Variants in BNIP2 observed in about 807,000 individuals in gnomAD.
BNIP2 encodes BCL2/adenovirus E1B 19 kDa protein-interacting protein 2.
BNIP2 carries 36 observed loss-of-function variants against 43.4 expected under a neutral mutation model. The observed-to-expected ratio is 0.83, with a 90% confidence interval of 0.64 to 1.10. The LOEUF is 1.10. BNIP2 is among the 50% of genes least tolerant of loss of function. The probability of loss-of-function intolerance (pLI) is 0.00; values close to 1 mark genes in which losing one functional copy is unlikely to be tolerated. For missense variants in BNIP2, 417 were observed against 374.1 expected (o/e 1.11, Z -0.95); for synonymous variants, 146 against 121.0 (o/e 1.21, Z -1.35).
At chr15:59,686,931 C>T (rs560482139) in intron 1 of BNIP2, among the ~76,000 whole-genome samples, 5 of 152,278 alleles carry the variant, frequency 3.3e-5, no homozygotes, top group Non-Finnish European at 5.9e-5. Flanking sequence ...GCAGGAGAAT[C>T]GCTTGAACCT....
intron 3 of BNIP2, 120 bp downstream of exon 3, chr15:59,680,115 AACTTAT>A (rs1893566580): frequency 1.3e-6 from 1 of 797,826 alleles, no homozygotes; most frequent in African/African-American, 1.8e-5. Context: ...CTCAATGTTC[AACTTAT>A]ACTTTGACTT....
At chr15:59,676,872 G>T in intron 5 of BNIP2, 2 of 1,588,546 alleles carry the variant, frequency 1.3e-6, no homozygotes, top group Non-Finnish European at 8.6e-7. Flanking sequence ...CTCTCGCTGC[G>T]TTCGCTCACC....
Position 59,669,291 on chromosome 15 carries a change from G to A in BNIP2, c.779C>T (p.Thr260Ile). ...CAAAAATTACCTAATAAATGGTCTT[G>A]TAACAGCCAGAAGTGTTCTGATAAA... ...SWFIRTLLAVTRPFISSKFSQ... is the reference protein window; with the variant it reads ...SWFIRTLLAVIRPFISSKFSQ... Residue 260 changes from threonine (T) to isoleucine (I), a missense_variant, in exon 8 of 10, where the codon ACA (threonine) becomes ATA (isoleucine). Thr to Ile is a moderately conservative substitution (Grantham distance 89). Transcript: ENST00000607373. The A allele has an allele frequency of 6.4e-7, 1 of 1,552,450 alleles. No individual in the cohort carries two copies. The highest frequency in any genetic ancestry group is 8.6e-7 in the Non-Finnish European group (1 of 1,157,846).
chr15:59,668,987 C>CT lies in BNIP2; in HGVS notation c.797_798insA (p.Lys267GlufsTer7). The CT allele has an allele frequency of 6.2e-7, 1 of 1,611,856 alleles. No individual in the cohort carries two copies. On this transcript the variant is annotated frameshift_variant, in exon 9 of 10. Transcript: ENST00000607373. LOFTEE classifies it high-confidence loss of function. ...CGTATCTAATTTTTTGGCTGAATTTCGAGCTATGGAAGAAAATAAAAATAA... is the reference window on the plus strand; with the variant it reads ...CGTATCTAATTTTTTGGCTGAATTTCTGAGCTATGGAAGAAAATAAAAATAA...
Position 59,664,434 on chromosome 15 carries a change from T to C in BNIP2, c.894-314A>G, listed in dbSNP as rs1333839722. On this transcript the variant is annotated intron_variant, in intron 9 of 9. Transcript: ENST00000607373. ...TCTTGCTCTGTCACCCAGGCTGGAG[T>C]GCAGTGGCACAATCTCAGCTCGCTG... Among the ~76,000 whole-genome samples, 13 of 152,042 alleles carry C rather than the reference T, an allele frequency of 8.6e-5. No homozygotes were observed. In the East Asian group the frequency reaches 2.3e-3, roughly 27 times the overall value.
chr15:59,678,593 T>C (rs1172202989), intron 4 of BNIP2: 1 of 1,121,932 alleles, frequency 8.9e-7, no homozygotes, highest in African/African-American at 1.7e-5. Context: ...AATGTATTTA[T>C]AATACTTTGA....
chr15:59,674,354 G>A (rs12593480), intron 5 of BNIP2, among the ~76,000 whole-genome samples: 49,904 of 151,832 alleles, frequency 0.33, 8,530 homozygotes, highest in East Asian at 0.54. Context: ...ATTAAGTGTG[G>A]TAATGCAATA....
chr15:59,668,111 TTTC>T (rs1892675348), intron 9 of BNIP2: 1 of 1,298,176 alleles, frequency 7.7e-7, no homozygotes, highest in Admixed American at 2.3e-5. Context: ...ACCTTTTTTG[TTTC>T]TTTTTAAACT....
intron 1 of BNIP2, among the ~76,000 whole-genome samples, chr15:59,687,666 G>A (rs900772672): frequency 6.6e-6 from 1 of 151,754 alleles, no homozygotes; most frequent in African/African-American, 2.4e-5. Flanking sequence ...CTATCAGCCC[G>A]GTAACTTACT....
intron 2 of BNIP2, among the ~76,000 whole-genome samples, chr15:59,682,106 A>C (rs1383380865): frequency 6.6e-6 from 1 of 152,118 alleles, no homozygotes; most frequent in Non-Finnish European, 1.5e-5. Context: ...AGGCAGGCAG[A>C]TCACGAGGTC....
At chr15:59,669,391 A>G in intron 7 of BNIP2, 29 bp from the exon 8 acceptor site, 1 of 1,351,674 alleles carries the variant, frequency 7.4e-7, no homozygotes, top group Non-Finnish European at 1.0e-6. Context: ...ACACACACAC[A>G]CAAAGAAAAT....
rs1892394353 is a variant in BNIP2 at position 59,663,678 on chromosome 15, TA to T, written c.*390del. ...CTGCATATTTCTTCCATAAGACAGG[TA>T]CACATTAAAAAATATTGCTCAATGA... On this transcript the variant is annotated 3_prime_UTR_variant, in exon 10 of 10. Coordinates refer to ENST00000607373, the MANE Select transcript of BNIP2 (RefSeq NM_004330.4). 1 of 155,196 alleles carries T rather than the reference TA, an allele frequency of 6.4e-6. No individual in the cohort carries two copies. The highest frequency in any genetic ancestry group is 2.4e-5 in the African/African-American group (1 of 41,586). 9.6% of individuals were successfully genotyped at this position (155,196 alleles called of 1,614,324 possible).
At position 59,659,460 on chromosome 15, in the gene BNIP2, T is replaced by C. The variant is rs1382047882; in HGVS notation, c.*4609A>G. ...AGTATTTTTGGAATAGATATCAAAG[T>C]GTGTTAATGTCTTAACAAACTCTGA... On this transcript the variant is annotated 3_prime_UTR_variant, in exon 10 of 10. Transcript: ENST00000607373. 6.6e-6 allele frequency: 1 copy of C among 152,238 alleles called. No homozygotes were observed. The allele number at this position is 152,238 out of a possible 1,614,324, so 9.4% of individuals were successfully genotyped here.
chr15:59,678,311 A>C, intron 4 of BNIP2: 1 of 1,279,616 alleles, frequency 7.8e-7, no homozygotes, highest in South Asian at 2.0e-5. Flanking sequence ...AATTTAGCAA[A>C]AACCACCTAA....
intron 9 of BNIP2, among the ~76,000 whole-genome samples, chr15:59,667,177 T>C (rs558596253): frequency 1.3e-5 from 2 of 152,326 alleles, no homozygotes; most frequent in East Asian, 1.9e-4. Flanking sequence ...CATATAGAAG[T>C]GTAAAACTGA....
intron 7 of BNIP2, 47 bp from the exon 8 acceptor site, chr15:59,669,409 T>G: frequency 8.0e-7 from 1 of 1,243,668 alleles, no homozygotes; most frequent in Non-Finnish European, 1.1e-6. Flanking sequence ...AATTAAAAAT[T>G]TCTATAAATT....
chr15:59,678,944 G>C (rs1249377438), intron 4 of BNIP2: 1 of 1,074,328 alleles, frequency 9.3e-7, no homozygotes, highest in African/African-American at 1.7e-5. Flanking sequence ...CAGTAAAACA[G>C]GGAAGAAAAA....
intron 5 of BNIP2, chr15:59,676,616 A>G: frequency 1.8e-6 from 1 of 562,674 alleles, no homozygotes; most frequent in South Asian, 2.5e-5. Flanking sequence ...AGAAATGCTT[A>G]TTATTCTTTC....
intron 5 of BNIP2, chr15:59,676,937 A>C: frequency 6.2e-7 from 1 of 1,611,772 alleles, no homozygotes; most frequent in Non-Finnish European, 8.5e-7. Flanking sequence ...CCTCTGCGAG[A>C]ACAGCATGAT....
Sources: allele counts gnomAD v4.1 joint callset (sites outside exome capture counted in the v4.1 genomes callset), GRCh38; gene constraint gnomAD v4.1.1; transcripts MANE v1.5; gene names NCBI Gene and HGNC (gene_info 2026-07-23, HGNC 2026-07-21).